Variants in ZCCHC7 observed in about 807,000 individuals in gnomAD.
The protein encoded by ZCCHC7 is zinc finger CCHC-type containing 7.
In ZCCHC7, 35 loss-of-function variants were observed where a neutral mutation model predicts 52.0. The observed-to-expected ratio is 0.67, with a 90% CI of 0.51 to 0.89. ZCCHC7 has a LOEUF of 0.89. Among genes scored for constraint, ZCCHC7 ranks in the 40% least tolerant of loss-of-function variants. The probability of loss-of-function intolerance (pLI) is 0.00; values close to 1 mark genes in which losing one functional copy is unlikely to be tolerated. For missense variants in ZCCHC7, 574 were observed against 649.1 expected (o/e 0.88, Z 1.26); for synonymous variants, 217 against 221.5 (o/e 0.98, Z 0.18).
rs1387758059 is a variant in ZCCHC7 at position 37,210,184 on chromosome 9, TGTGTATGTGCA to T, written c.610+83243_610+83253del. Among the ~76,000 whole-genome samples, 5 of 152,248 alleles carry T rather than the reference TGTGTATGTGCA, an allele frequency of 3.3e-5. No homozygotes were observed. The East Asian group carries it at 7.7e-4, about 23-fold the overall frequency. ...GCTTCTTTTTTGTCAGGAAGGGTGT[TGTGTATGTGCA>T]CTTTATCCCTGAATGCTAAGAGAGG... On this transcript the variant is annotated intron_variant, in intron 2 of 8. Coordinates refer to ENST00000336755, the MANE Select transcript of ZCCHC7 (RefSeq NM_032226.3).
At chr9:37,305,859 C>A in intron 5 of ZCCHC7, 145 bp downstream of exon 5, 1 of 790,310 alleles carries the variant, frequency 1.3e-6, no homozygotes, top group Non-Finnish European at 1.9e-6. Context: ...ATAGTCATGT[C>A]CATTTTGTCA....
intron 2 of ZCCHC7, among the ~76,000 whole-genome samples, chr9:37,217,558 C>G (rs1824575830): frequency 6.6e-6 from 1 of 152,108 alleles, no homozygotes; most frequent in Non-Finnish European, 1.5e-5. Flanking sequence ...GTATGCAGTA[C>G]ATGTTTTCCA....
intron 2 of ZCCHC7, among the ~76,000 whole-genome samples, chr9:37,224,971 G>T (rs1469596244): frequency 1.3e-5 from 2 of 152,162 alleles, no homozygotes; most frequent in Non-Finnish European, 2.9e-5. Flanking sequence ...CCATGTTTTG[G>T]CAGTAAAGCT....
intron 5 of ZCCHC7, chr9:37,322,160 T>C (rs1453276336): frequency 6.6e-6 from 1 of 152,202 alleles, no homozygotes; most frequent in Non-Finnish European, 1.5e-5. Context: ...ATCGTGCACA[T>C]GGACTATGTA....
chr9:37,317,010 C>T (rs1177472422), intron 5 of ZCCHC7, among the ~76,000 whole-genome samples: 1 of 151,902 alleles, frequency 6.6e-6, no homozygotes, highest in Non-Finnish European at 1.5e-5. Flanking sequence ...TTGGGAAAAT[C>T]CTAACTCTTT....
chr9:37,336,347 T>G (rs2118365512), intron 6 of ZCCHC7, among the ~76,000 whole-genome samples: 1 of 152,302 alleles, frequency 6.6e-6, no homozygotes, highest in East Asian at 1.9e-4. Flanking sequence ...TTCCTTGTTT[T>G]AAGACAAGCA....
intron 2 of ZCCHC7, among the ~76,000 whole-genome samples, chr9:37,233,136 A>G (rs1454606473): frequency 6.6e-6 from 1 of 152,206 alleles, no homozygotes; most frequent in African/African-American, 2.4e-5. Context: ...GTGAGGTTAT[A>G]TTTCTAAAAG....
chr9:37,235,103 T>TA (rs1825582522), intron 2 of ZCCHC7, among the ~76,000 whole-genome samples: 1 of 152,042 alleles, frequency 6.6e-6, no homozygotes, highest in Non-Finnish European at 1.5e-5. Flanking sequence ...TTCAAAATGT[T>TA]ACATTCAAAA....
intron 2 of ZCCHC7, among the ~76,000 whole-genome samples, chr9:37,141,036 A>G (rs1377025008): frequency 1.3e-5 from 2 of 151,988 alleles, no homozygotes; most frequent in Non-Finnish European, 2.9e-5. Flanking sequence ...TCTTATTTTT[A>G]GAATTTATTA....
intron 2 of ZCCHC7, among the ~76,000 whole-genome samples, chr9:37,247,825 C>T (rs995712150): frequency 9.9e-5 from 15 of 151,930 alleles, no homozygotes; most frequent in African/African-American, 3.6e-4. Flanking sequence ...CTGCTAAGCC[C>T]GGGAAGTCAA....
chr9:37,321,136 G>A (rs897887201), intron 5 of ZCCHC7, among the ~76,000 whole-genome samples: 44 of 151,468 alleles, frequency 2.9e-4, no homozygotes, highest in South Asian at 1.0e-3. Flanking sequence ...CTACAGGCGC[G>A]TGCCACCACA....
intron 2 of ZCCHC7, among the ~76,000 whole-genome samples, chr9:37,179,662 G>A (rs920433058): frequency 5.3e-5 from 8 of 152,068 alleles, no homozygotes; most frequent in African/African-American, 1.9e-4. Flanking sequence ...GATGGCTGTC[G>A]AGTATAAACA....
At chr9:37,188,527 A>C (rs1056708306) in intron 2 of ZCCHC7, among the ~76,000 whole-genome samples, 258 of 15,426 alleles carry the variant, frequency 0.017, no homozygotes, top group African/African-American at 0.02. Context: ...CCCTCTCCCC[A>C]CCCCTCCTTA....
chr9:37,127,047 T>C, intron 2 of ZCCHC7, 105 bp downstream of exon 2: 1 of 1,399,512 alleles, frequency 7.1e-7, no homozygotes, highest in Non-Finnish European at 9.6e-7. Flanking sequence ...AATTCCTCAC[T>C]TTTTGGTCTT....
At chr9:37,239,298 CTAAG>C (rs752450783) in intron 2 of ZCCHC7, among the ~76,000 whole-genome samples, 34 of 152,104 alleles carry the variant, frequency 2.2e-4, no homozygotes, top group Non-Finnish European at 3.5e-4. Flanking sequence ...TCTTTTCATC[CTAAG>C]TGTTTACTAG....
At chr9:37,165,337 ATT>A (rs1821361488) in intron 2 of ZCCHC7, among the ~76,000 whole-genome samples, 1 of 150,144 alleles carries the variant, frequency 6.7e-6, no homozygotes, top group Non-Finnish European at 1.5e-5. Context: ...TTCTTGCCAT[ATT>A]GGATGGAAGG....
intron 2 of ZCCHC7, among the ~76,000 whole-genome samples, chr9:37,272,436 T>C (rs1827463315): frequency 6.7e-6 from 1 of 148,324 alleles, no homozygotes; most frequent in African/African-American, 2.5e-5. Context: ...AACACCTATG[T>C]AACCATCACC....
chr9:37,274,035 C>T (rs903338947), intron 2 of ZCCHC7, among the ~76,000 whole-genome samples: 2 of 152,052 alleles, frequency 1.3e-5, no homozygotes, highest in Admixed American at 6.6e-5. Flanking sequence ...TACTCTTAAC[C>T]CATTTTCTGT....
At chr9:37,296,974 C>G (rs1828818963) in intron 2 of ZCCHC7, among the ~76,000 whole-genome samples, 1 of 151,316 alleles carries the variant, frequency 6.6e-6, no homozygotes, top group Non-Finnish European at 1.5e-5. Flanking sequence ...TAGGCTCAAA[C>G]AGTCCTCCCA....
Sources: allele counts gnomAD v4.1 joint callset (sites outside exome capture counted in the v4.1 genomes callset), GRCh38; gene constraint gnomAD v4.1.1; transcripts MANE v1.5; gene names NCBI Gene and HGNC (gene_info 2026-07-23, HGNC 2026-07-21).